Variants in SRGAP1 observed in about 807,000 individuals in gnomAD.
SRGAP1 encodes SLIT-ROBO Rho GTPase activating protein 1, also known as SLIT-ROBO Rho GTPase-activating protein 1.
Under a neutral mutation model 121.9 loss-of-function variants are expected in SRGAP1, and 43 were observed. The observed-to-expected ratio is 0.35, with a 90% CI of 0.28 to 0.46. The LOEUF (loss-of-function observed/expected upper bound fraction) is 0.46. Ranked by LOEUF, SRGAP1 falls within the 20% of genes least tolerant of loss-of-function variation. The pLI is 1.00. For missense variants in SRGAP1, 1,102 were observed against 1,350.9 expected (o/e 0.82, Z 2.89); for synonymous variants, 447 against 485.4 (o/e 0.92, Z 1.04).
Position 64,037,148 on chromosome 12 carries a change from G to A in SRGAP1, c.490-5642G>A, listed in dbSNP as rs148196002. Among the ~76,000 whole-genome samples the A allele has an allele frequency of 3.3e-5, 5 of 152,308 alleles. No individual in the cohort carries two copies. In the East Asian group the frequency reaches 9.6e-4, roughly 29 times the overall value. ...TCAAATGTCAAAAGGAGGAGGTGCT[G>A]GGGGACAGCAGCTCAGGGACTTGCT... On this transcript the variant is annotated intron_variant, in intron 4 of 21. Transcript: ENST00000355086.
chr12:63,965,337 A>T (rs967693491), intron 1 of SRGAP1, among the ~76,000 whole-genome samples: 1 of 152,246 alleles, frequency 6.6e-6, no homozygotes, highest in Non-Finnish European at 1.5e-5. Context: ...GAAAAGATAT[A>T]CAACAGGCAA....
At chr12:63,869,869 A>G (rs1349671618) in intron 1 of SRGAP1, among the ~76,000 whole-genome samples, 1 of 152,194 alleles carries the variant, frequency 6.6e-6, no homozygotes, top group African/African-American at 2.4e-5. Context: ...TTACATTCAC[A>G]GTGTGTTCTT....
At chr12:64,116,000 A>C (rs1339049975) in intron 18 of SRGAP1, 107 bp downstream of exon 18, 6 of 1,033,302 alleles carry the variant, frequency 5.8e-6, no homozygotes, top group Non-Finnish European at 8.4e-6. Flanking sequence ...CCTACCTATA[A>C]TCCCAGCACG....
At chr12:63,872,305 G>T (rs536989120) in intron 1 of SRGAP1, among the ~76,000 whole-genome samples, 2 of 152,172 alleles carry the variant, frequency 1.3e-5, no homozygotes, top group Non-Finnish European at 2.9e-5. Context: ...AAAACATTTT[G>T]TAAAATTACC....
At position 63,948,894 on chromosome 12, in the gene SRGAP1, A is replaced by T. The variant is rs1384551332; in HGVS notation, c.68-35053A>T. 1.6e-4 allele frequency among the ~76,000 whole-genome samples: 14 copies of T among 85,008 alleles called. 1 individual carries two copies. Among genetic ancestry groups the T allele is most frequent in the African/African-American group, 5.6e-4 (14 of 25,044 alleles). The allele number at this position is 85,008 out of a possible 152,430, so 55.8% of individuals were successfully genotyped here. On this transcript the variant is annotated intron_variant, in intron 1 of 21. Coordinates refer to ENST00000355086, the MANE Select transcript of SRGAP1 (RefSeq NM_020762.4). ...ATATATATATTTTCCATATATATAT[A>T]TTCCATATATATATTTTCCATATAT...
At chr12:63,858,377 TG>T in intron 1 of SRGAP1, among the ~76,000 whole-genome samples, 1 of 152,116 alleles carries the variant, frequency 6.6e-6, no homozygotes, top group Non-Finnish European at 1.5e-5. Context: ...CTGCCCAGGC[TG>T]GTCTTGAATT....
intron 8 of SRGAP1, among the ~76,000 whole-genome samples, chr12:64,072,834 T>C (rs190803001): frequency 6.6e-6 from 1 of 152,316 alleles, no homozygotes; most frequent in South Asian, 2.1e-4. Flanking sequence ...GTGATGGTAA[T>C]GTCCTGGTAA....
rs2037179975 is a variant in SRGAP1 at position 64,158,211 on chromosome 12, C to CAA, written c.*15540_*15541dup. 1 of 152,310 alleles carries CAA rather than the reference C, an allele frequency of 6.6e-6. No homozygotes were observed. The highest frequency in any genetic ancestry group is 2.1e-4 in the South Asian group (1 of 4,824). The allele number at this position is 152,310 out of a possible 1,614,324, so 9.4% of individuals were successfully genotyped here. On this transcript the variant is annotated 3_prime_UTR_variant, in exon 22 of 22. Transcript: ENST00000355086. ...TAGTGCTCAAGAATTGTGCTATAAT[C>CAA]AATGTTACTAAATTATCTAGGATTA...
intron 8 of SRGAP1, among the ~76,000 whole-genome samples, chr12:64,074,021 A>G (rs1240363753): frequency 6.6e-6 from 1 of 152,200 alleles, no homozygotes; most frequent in African/African-American, 2.4e-5. Context: ...AGAACATTAT[A>G]TATTTTTCAT....
chr12:64,044,895 A>G (rs899307639), intron 6 of SRGAP1, among the ~76,000 whole-genome samples: 9 of 151,690 alleles, frequency 5.9e-5, no homozygotes, highest in Non-Finnish European at 8.8e-5. Flanking sequence ...GCCCAGGCCA[A>G]TGTTGAACTC....
At chr12:64,030,290 A>G (rs2034746112) in intron 4 of SRGAP1, among the ~76,000 whole-genome samples, 1 of 152,248 alleles carries the variant, frequency 6.6e-6, no homozygotes, top group Non-Finnish European at 1.5e-5. Context: ...TTTGATGAAT[A>G]TGAATGTTGA....
intron 6 of SRGAP1, 93 bp downstream of exon 6, chr12:64,043,668 C>G: frequency 1.0e-6 from 1 of 1,000,852 alleles, no homozygotes. Flanking sequence ...TTTCTTAAGA[C>G]TGTTATTTTA....
At chr12:63,986,207 C>T (rs111433975) in intron 2 of SRGAP1, among the ~76,000 whole-genome samples, 143 of 151,142 alleles carry the variant, frequency 9.5e-4, no homozygotes, top group East Asian at 6.4e-3. Flanking sequence ...CTCTCTCCCC[C>T]CCGACACACA....
intron 3 of SRGAP1, among the ~76,000 whole-genome samples, chr12:64,007,172 T>C (rs2034110243): frequency 6.6e-6 from 1 of 152,132 alleles, no homozygotes; most frequent in African/African-American, 2.4e-5. Flanking sequence ...CCGTTATCTG[T>C]GAGGCAAGGA....
chr12:64,045,343 G>T (rs542162939), intron 6 of SRGAP1, among the ~76,000 whole-genome samples: 30 of 152,024 alleles, frequency 2.0e-4, no homozygotes, highest in Admixed American at 1.6e-3. Context: ...TTTCTCCAAG[G>T]TATAGGGAAT....
chr12:63,972,220 A>T (rs1210104295), intron 1 of SRGAP1, among the ~76,000 whole-genome samples: 1 of 152,238 alleles, frequency 6.6e-6, no homozygotes, highest in African/African-American at 2.4e-5. Flanking sequence ...ATAGAGGTAT[A>T]AAGAAAATTA....
At chr12:63,951,850 C>A (rs187423050) in intron 1 of SRGAP1, among the ~76,000 whole-genome samples, 1 of 152,100 alleles carries the variant, frequency 6.6e-6, no homozygotes, top group Non-Finnish European at 1.5e-5. Context: ...AACTGATAGT[C>A]TTACATAACT....
intron 1 of SRGAP1, among the ~76,000 whole-genome samples, chr12:63,874,022 G>C (rs1359088753): frequency 1.3e-5 from 2 of 151,424 alleles, no homozygotes; most frequent in African/African-American, 4.8e-5. Context: ...GACTGAGCGA[G>C]ACTCTGTCAG....
At chr12:63,899,899 A>T (rs1294132654) in intron 1 of SRGAP1, among the ~76,000 whole-genome samples, 1 of 152,228 alleles carries the variant, frequency 6.6e-6, no homozygotes, top group Admixed American at 6.5e-5. Context: ...TCTTTGCTCC[A>T]GTGTATCTGC....
Sources: allele counts gnomAD v4.1 joint callset (sites outside exome capture counted in the v4.1 genomes callset), GRCh38; gene constraint gnomAD v4.1.1; transcripts MANE v1.5; gene names NCBI Gene and HGNC (gene_info 2026-07-23, HGNC 2026-07-21).